The following MPDZ variants were observed in gnomAD, a reference collection of about 807,000 sequenced individuals.
The protein encoded by MPDZ is multiple PDZ domain crumbs cell polarity complex component, also known as multiple PDZ domain protein.
In MPDZ, 234 loss-of-function variants were observed where a neutral mutation model predicts 239.1. The observed-to-expected ratio is 0.98, with a 90% confidence interval of 0.88 to 1.09. The LOEUF (loss-of-function observed/expected upper bound fraction) is 1.09. Among genes scored for constraint, MPDZ ranks in the 50% least tolerant of loss-of-function variants. The probability of loss-of-function intolerance (pLI) is 0.00; values close to 1 mark genes in which losing one functional copy is unlikely to be tolerated. For synonymous variants in MPDZ, 1,048 were observed against 881.3 expected (o/e 1.19, Z -3.35); for missense variants, 3,175 against 2,510.0 (o/e 1.26, Z -5.66).
In MPDZ at chr9:13,115,350, G is replaced by A. The variant is rs41265282; in HGVS notation, c.5380-16C>T. On this transcript the variant is annotated splice_polypyrimidine_tract_variant and intron_variant, in intron 39 of 46. Coordinates refer to ENST00000319217, the MANE Select transcript of MPDZ (RefSeq NM_001378778.1). Reference sequence around the variant, plus strand: ...CTAGGGAACACTGGGGGTGGGCATGGGGGGTGTTTTATGGAAATGTTTAAA... The same window carrying A: ...CTAGGGAACACTGGGGGTGGGCATGAGGGGTGTTTTATGGAAATGTTTAAA... 3.1e-6 allele frequency: 5 copies of A among 1,595,424 alleles called. No homozygotes were observed. In the South Asian group the frequency reaches 3.3e-5, roughly 11 times the overall value.
intron 3 of MPDZ, among the ~76,000 whole-genome samples, chr9:13,231,778 T>A (rs575040990): frequency 1.1e-4 from 16 of 151,910 alleles, no homozygotes; most frequent in African/African-American, 3.1e-4. Flanking sequence ...AATTGCCAAC[T>A]CTAACAAGGA....
rs192883166 is a variant in MPDZ at position 13,111,924 on chromosome 9, A to G, written c.5724+100T>C. 6.6e-4 allele frequency: 796 copies of G among 1,203,290 alleles called. 1 individual carries two copies. Among genetic ancestry groups the G allele is most frequent in the Non-Finnish European group, 8.6e-4 (745 of 867,510 alleles). The allele number at this position is 1,203,290 out of a possible 1,614,324, so 74.5% of individuals were successfully genotyped here. A position where few individuals can be genotyped will look rare whatever the true frequency, so the allele number is the denominator to read the frequency against. ...TTAGATGATTTAAAAGTAAATATAGATATTTAAAACTGCCTTGCAACAGGT... is the reference window on the plus strand; with the variant it reads ...TTAGATGATTTAAAAGTAAATATAGGTATTTAAAACTGCCTTGCAACAGGT... On this transcript the variant is annotated intron_variant, in intron 43 of 46. Coordinates refer to ENST00000319217, the MANE Select transcript of MPDZ (RefSeq NM_001378778.1).
At position 13,150,591 on chromosome 9, in the gene MPDZ, C is replaced by A; in HGVS notation, c.3550G>T (p.Gly1184Cys). The A allele has an allele frequency of 6.4e-7, 1 of 1,560,770 alleles. No homozygotes were observed. Among genetic ancestry groups the A allele is most frequent in the Non-Finnish European group, 8.7e-7 (1 of 1,151,776 alleles). The change falls in exon 25 of 47, where the codon GGC becomes TGC. Residue 1184 changes from glycine (G) to cysteine (C), a missense_variant. Coordinates refer to ENST00000319217, the MANE Select transcript of MPDZ (RefSeq NM_001378778.1). Reference protein sequence around the residue: ...SRLSNGEVMRGIFIKHVLEDS... With the variant: ...SRLSNGEVMRCIFIKHVLEDS... ...TCCAGAACATGTTTGATGAAAATGC[C>A]CCTCATCACTTCTCCATTGCTTAGC...
chr9:13,247,184 A>G (rs973352846), intron 3 of MPDZ, among the ~76,000 whole-genome samples: 1 of 152,158 alleles, frequency 6.6e-6, no homozygotes, highest in African/African-American at 2.4e-5. Flanking sequence ...TATTCCTTTT[A>G]CTGTCAAAAT....
At chr9:13,126,320 G>C (rs1226986703) in intron 34 of MPDZ, among the ~76,000 whole-genome samples, 196 bp downstream of exon 34, 1 of 152,118 alleles carries the variant, frequency 6.6e-6, no homozygotes, top group Admixed American at 6.5e-5. Context: ...AATTTGTGTG[G>C]CAACGAAAAA....
intron 42 of MPDZ, among the ~76,000 whole-genome samples, chr9:13,112,712 A>C (rs1296198065): frequency 6.6e-6 from 1 of 152,326 alleles, no homozygotes; most frequent in Non-Finnish European, 1.5e-5. Context: ...AGAACTAATA[A>C]GTATCTGTTG....
chr9:13,234,482 G>C (rs1421867252), intron 3 of MPDZ, among the ~76,000 whole-genome samples: 1 of 151,882 alleles, frequency 6.6e-6, no homozygotes, highest in Non-Finnish European at 1.5e-5. Flanking sequence ...GCATTTTTTG[G>C]TAGATTATCA....
chr9:13,176,056 T>G, intron 20 of MPDZ, 80 bp downstream of exon 20: 1 of 1,453,908 alleles, frequency 6.9e-7, no homozygotes. Flanking sequence ...TCATTCCAAA[T>G]GAAGAGATTA....
intron 32 of MPDZ, among the ~76,000 whole-genome samples, chr9:13,133,604 G>A (rs1946323754): frequency 6.6e-6 from 1 of 152,172 alleles, no homozygotes; most frequent in African/African-American, 2.4e-5. Flanking sequence ...ACGTAAACGT[G>A]CATCAGGCGG....
At chr9:13,178,959 T>C (rs1253067517) in intron 19 of MPDZ, among the ~76,000 whole-genome samples, 2 of 152,206 alleles carry the variant, frequency 1.3e-5, no homozygotes, top group African/African-American at 2.4e-5. Context: ...TTTTAGATTT[T>C]AACCATCTTG....
chr9:13,251,353 C>A (rs1967962031), intron 1 of MPDZ, among the ~76,000 whole-genome samples: 1 of 151,876 alleles, frequency 6.6e-6, no homozygotes, highest in Non-Finnish European at 1.5e-5. Flanking sequence ...TCCTTCAATC[C>A]ACACATCTCA....
intron 1 of MPDZ, among the ~76,000 whole-genome samples, chr9:13,273,402 A>G (rs1311593091): frequency 6.6e-6 from 1 of 152,174 alleles, no homozygotes; most frequent in East Asian, 1.9e-4. Flanking sequence ...TCTCATGACC[A>G]TTTTCTATGA....
chr9:13,273,012 T>C (rs374491050), intron 1 of MPDZ, among the ~76,000 whole-genome samples: 1 of 152,108 alleles, frequency 6.6e-6, no homozygotes, highest in Non-Finnish European at 1.5e-5. Context: ...AGAGTTCTAA[T>C]GAATGGGATT....
intron 3 of MPDZ, among the ~76,000 whole-genome samples, chr9:13,235,747 C>T (rs1963770151): frequency 6.6e-6 from 1 of 152,116 alleles, no homozygotes; most frequent in Non-Finnish European, 1.5e-5. Context: ...TCTGCACCTG[C>T]CCCTATATAG....
chr9:13,126,829 A>G (rs1945196796), intron 32 of MPDZ, 57 bp from the exon 33 acceptor site: 6 of 1,399,462 alleles, frequency 4.3e-6, no homozygotes, highest in Non-Finnish European at 6.1e-6. Flanking sequence ...ATTTTATCCA[A>G]ATGGATACCA....
chr9:13,222,661 TC>T (rs1959192288), intron 5 of MPDZ, among the ~76,000 whole-genome samples: 1 of 152,048 alleles, frequency 6.6e-6, no homozygotes, highest in Admixed American at 6.6e-5. Flanking sequence ...ACTGAACCCC[TC>T]CCATATAAAA....
intron 46 of MPDZ, among the ~76,000 whole-genome samples, chr9:13,108,486 A>T (rs185738537): frequency 6.6e-6 from 1 of 152,068 alleles, no homozygotes; most frequent in Non-Finnish European, 1.5e-5. Context: ...AATGAAATTA[A>T]ATTTATAAAA....
chr9:13,183,846 G>A (rs1170274315), intron 18 of MPDZ, among the ~76,000 whole-genome samples: 1 of 151,918 alleles, frequency 6.6e-6, no homozygotes, highest in African/African-American at 2.4e-5. Context: ...AAAGGGCCTG[G>A]ATGAAGTCTA....
intron 3 of MPDZ, among the ~76,000 whole-genome samples, chr9:13,239,103 C>A (rs1395107935): frequency 6.6e-6 from 1 of 152,026 alleles, no homozygotes; most frequent in Admixed American, 6.6e-5. Context: ...AGAATAAATT[C>A]TTACTTAATA....
Sources: gnomAD v4.1 joint callset for allele counts (sites outside exome capture counted in the v4.1 genomes callset) on GRCh38, gnomAD v4.1.1 for gene constraint, MANE v1.5 for transcripts, NCBI Gene and HGNC (gene_info 2026-07-23, HGNC 2026-07-21) for gene names.